Variants in POU2F3 observed in about 807,000 individuals in gnomAD.
POU2F3 encodes POU class 2 homeobox 3, also known as POU domain, class 2, transcription factor 3.
A neutral mutation model predicts 59.2 loss-of-function variants in POU2F3; 23 were observed. The observed-to-expected ratio is 0.39, with a 90% CI of 0.28 to 0.55. POU2F3 has a LOEUF of 0.55. Among genes scored for constraint, POU2F3 ranks in the 20% least tolerant of loss-of-function variants. The pLI, the probability that POU2F3 is intolerant of heterozygous loss-of-function variation, is 0.66. For missense variants in POU2F3, 473 were observed against 544.5 expected, an observed-to-expected ratio of 0.87 and a Z score of 1.31; for synonymous variants, 190 against 214.6, an observed-to-expected ratio of 0.89 and a Z score of 1.00.
intron 2 of POU2F3, among the ~76,000 whole-genome samples, chr11:120,254,481 T>C (rs1055660254): frequency 6.6e-6 from 1 of 151,738 alleles, no homozygotes; most frequent in African/African-American, 2.4e-5. Flanking sequence ...CCAGCATTTG[T>C]TATGGGTCTG....
upstream of POU2F3, among the ~76,000 whole-genome samples, chr11:120,237,659 A>G (rs1938535152): frequency 1.3e-5 from 2 of 152,208 alleles, no homozygotes; most frequent in South Asian, 2.1e-4. Flanking sequence ...GGCCATGCAA[A>G]TAATATGCAA....
chr11:120,297,115 G>A (rs1412983517), intron 3 of POU2F3, among the ~76,000 whole-genome samples: 2 of 152,192 alleles, frequency 1.3e-5, no homozygotes, highest in African/African-American at 4.8e-5. Flanking sequence ...TGTCCACATA[G>A]GAGGGTCTCC....
At chr11:120,256,140 A>G (rs1939335579) in intron 2 of POU2F3, 1 of 152,154 alleles carries the variant, frequency 6.6e-6, no homozygotes, top group Non-Finnish European at 1.5e-5. Flanking sequence ...CTTTTCACAC[A>G]TCAGTTAGTA....
At chr11:120,271,427 C>A (rs1204557366) in intron 3 of POU2F3, among the ~76,000 whole-genome samples, 2 of 152,238 alleles carry the variant, frequency 1.3e-5, no homozygotes, top group Non-Finnish European at 2.9e-5. Flanking sequence ...ATTCTCTGAT[C>A]CTGATCCTAA....
intron 2 of POU2F3, among the ~76,000 whole-genome samples, chr11:120,257,714 C>G (rs1484863647): frequency 6.6e-6 from 1 of 152,222 alleles, no homozygotes; most frequent in Non-Finnish European, 1.5e-5. Flanking sequence ...TCACTTTGCT[C>G]AGTGGTAACA....
At chr11:120,298,580 A>C (rs942651025) in intron 4 of POU2F3, among the ~76,000 whole-genome samples, 190 bp downstream of exon 4, 1 of 152,134 alleles carries the variant, frequency 6.6e-6, no homozygotes, top group Non-Finnish European at 1.5e-5. Flanking sequence ...GTGAAGAGGG[A>C]GGCCTCTACT....
At chr11:120,292,372 A>G (rs1941053505) in intron 3 of POU2F3, among the ~76,000 whole-genome samples, 1 of 152,058 alleles carries the variant, frequency 6.6e-6, no homozygotes, top group African/African-American at 2.4e-5. Flanking sequence ...AAACAAAAAC[A>G]AAAACAAAAA....
upstream of POU2F3, among the ~76,000 whole-genome samples, chr11:120,239,688 G>C (rs1348617990): frequency 1.3e-5 from 2 of 152,226 alleles, no homozygotes; most frequent in Non-Finnish European, 2.9e-5. Flanking sequence ...TTACAGGTGA[G>C]TTAAATGAGC....
intron 2 of POU2F3, among the ~76,000 whole-genome samples, chr11:120,268,826 G>T (rs1273666418): frequency 6.6e-6 from 1 of 152,160 alleles, no homozygotes; most frequent in Non-Finnish European, 1.5e-5. Context: ...ATCCATGCTG[G>T]TCTCTTCTTG....
intron 2 of POU2F3, among the ~76,000 whole-genome samples, 169 bp downstream of exon 2, chr11:120,246,686 C>A (rs530965161): frequency 6.6e-6 from 1 of 152,178 alleles, no homozygotes; most frequent in Admixed American, 6.5e-5. Context: ...GATTCTGGAG[C>A]CTTTGAACAG....
chr11:120,270,632 G>C (rs979620960), intron 3 of POU2F3, among the ~76,000 whole-genome samples: 2 of 152,146 alleles, frequency 1.3e-5, no homozygotes, highest in African/African-American at 4.8e-5. Context: ...GTCTAGGATG[G>C]GGGCTGGAGA....
rs1302452050 is a variant in POU2F3 at position 120,246,449 on chromosome 11, A to G, written c.29A>G (p.Asp10Gly). 2.5e-6 allele frequency: 4 copies of G among 1,613,768 alleles called. No homozygotes were observed. The highest frequency in any genetic ancestry group is 3.4e-6 in the Non-Finnish European group (4 of 1,179,976). The change falls in exon 2 of 13, where the codon GAT (aspartate) becomes GGT (glycine). Residue 10 changes from aspartate to glycine, a missense_variant and splice_region_variant. Asp to Gly is a moderately conservative substitution (Grantham distance 94, BLOSUM62 -1). Transcript: ENST00000543440. MVNLESMHT[D>G]IKMSGDVADS... ...AAAATCAGTTGTGTTTTCCCTGCAG[A>G]TATCAAGATGAGTGGGGATGTAGCC... is the stretch of plus-strand genomic sequence containing the variant.
intron 2 of POU2F3, among the ~76,000 whole-genome samples, chr11:120,252,358 C>A (rs1939144029): frequency 6.6e-6 from 1 of 152,004 alleles, no homozygotes; most frequent in Non-Finnish European, 1.5e-5. Flanking sequence ...AGGCCCACCA[C>A]CACCACGCCT....
intron 10 of POU2F3, among the ~76,000 whole-genome samples, chr11:120,313,233 T>C (rs573658777): frequency 2.2e-4 from 34 of 152,238 alleles, no homozygotes; most frequent in African/African-American, 8.2e-4. Flanking sequence ...TGGTGAGAAA[T>C]GGAGGGGGCC....
chr11:120,244,944 C>G (rs537804773), intron 1 of POU2F3, among the ~76,000 whole-genome samples: 1 of 149,030 alleles, frequency 6.7e-6, no homozygotes, highest in South Asian at 2.1e-4. Flanking sequence ...AAACGCTGTG[C>G]ACTAGGAGGG....
rs147413512 is a variant in POU2F3, at chr11:120,313,437, T to C, written c.1069-1924T>C. ...ATGAAATAAATAGTTACACTAACACTTGTGATGTCATGAAGGAAAAGGAGG... is the reference window on the plus strand; with the variant it reads ...ATGAAATAAATAGTTACACTAACACCTGTGATGTCATGAAGGAAAAGGAGG... On this transcript the variant is annotated intron_variant, in intron 10 of 12. Coordinates refer to ENST00000543440, the MANE Select transcript of POU2F3 (RefSeq NM_014352.4). 1.3e-3 allele frequency among the ~76,000 whole-genome samples: 203 copies of C among 152,296 alleles called. 3 individuals carry two copies. The East Asian group carries it at 0.035, about 26-fold the overall frequency.
At chr11:120,274,861 A>G (rs1940255889) in intron 3 of POU2F3, among the ~76,000 whole-genome samples, 1 of 152,208 alleles carries the variant, frequency 6.6e-6, no homozygotes, top group Non-Finnish European at 1.5e-5. Context: ...CTAGGAAGGA[A>G]GGTCAAAGGG....
At chr11:120,302,839 G>A (rs564633113) in intron 6 of POU2F3, 279 of 155,582 alleles carry the variant, frequency 1.8e-3, no homozygotes, top group Admixed American at 3.4e-3. Flanking sequence ...CAGTGGGCAC[G>A]TATATAGGCC....
chr11:120,282,133 C>T (rs1006101593), intron 3 of POU2F3, among the ~76,000 whole-genome samples: 7 of 152,214 alleles, frequency 4.6e-5, no homozygotes, highest in African/African-American at 1.7e-4. Flanking sequence ...ATTCCCCCAA[C>T]TGCTGGCCTT....
Sources: allele counts gnomAD v4.1 joint callset (sites outside exome capture counted in the v4.1 genomes callset), GRCh38; gene constraint gnomAD v4.1.1; transcripts MANE v1.5; gene names NCBI Gene and HGNC (gene_info 2026-07-23, HGNC 2026-07-21).